Variants in ANGPT1 observed in about 807,000 individuals in gnomAD.
The protein encoded by ANGPT1 is angiopoietin-1.
Under a neutral mutation model 62.2 loss-of-function variants are expected in ANGPT1, and 17 were observed. The observed-to-expected ratio is 0.27, with a 90% CI of 0.19 to 0.41. The LOEUF (loss-of-function observed/expected upper bound fraction) is 0.41, where lower values mean the gene tolerates loss of function less well. Among genes scored for constraint, ANGPT1 ranks in the 10% least tolerant of loss-of-function variants. The pLI is 1.00. For missense variants in ANGPT1, 478 were observed against 594.9 expected (o/e 0.80, Z 2.04); for synonymous variants, 199 against 198.9 (o/e 1.00, Z 0.00).
chr8:107,256,445 T>C lies in ANGPT1; in HGVS notation c.1337-4430A>G, dbSNP rs886913371. On this transcript the variant is annotated intron_variant, in intron 8 of 8. Coordinates refer to ENST00000517746, the MANE Select transcript of ANGPT1 (RefSeq NM_001146.5). Reference sequence around the variant, plus strand: ...GAAAATATGTGGTTTAAAGCATTTTTTCAATGCAGGCAAAAGTATAGCAGA... The same window carrying C: ...GAAAATATGTGGTTTAAAGCATTTTCTCAATGCAGGCAAAAGTATAGCAGA... 5.3e-5 allele frequency among the ~76,000 whole-genome samples: 8 copies of C among 152,204 alleles called. 1 individual carries two copies. Among genetic ancestry groups the C allele is most frequent in the Admixed American group, 5.2e-4 (8 of 15,272 alleles).
chr8:107,339,670 A>T lies in ANGPT1; in HGVS notation c.454-3399T>A, dbSNP rs144341245. Reference sequence around the variant, plus strand: ...CCCTCCTAGAATGTCAGCTGCACAGAGGCAGGAAGGCTCATCTGGAGTCCT... The same window carrying T: ...CCCTCCTAGAATGTCAGCTGCACAGTGGCAGGAAGGCTCATCTGGAGTCCT... On this transcript the variant is annotated intron_variant, in intron 2 of 8. Coordinates refer to ENST00000517746, the MANE Select transcript of ANGPT1 (RefSeq NM_001146.5). Among the ~76,000 whole-genome samples, 815 of 152,264 alleles carry T rather than the reference A, an allele frequency of 5.4e-3. 10 individuals carry two copies. The highest frequency in any genetic ancestry group is 0.019 in the African/African-American group (780 of 41,566).
intron 5 of ANGPT1, 50 bp downstream of exon 5, chr8:107,303,190 T>A: frequency 6.3e-7 from 1 of 1,593,900 alleles, no homozygotes; most frequent in Non-Finnish European, 8.6e-7. Flanking sequence ...TATCCAGCAA[T>A]TCAACTGGGA....
intron 1 of ANGPT1, among the ~76,000 whole-genome samples, chr8:107,449,022 G>A (rs750210263): frequency 6.6e-6 from 1 of 152,040 alleles, no homozygotes; most frequent in Non-Finnish European, 1.5e-5. Flanking sequence ...AGATATCAGT[G>A]CTCTACATGA....
intron 1 of ANGPT1, among the ~76,000 whole-genome samples, chr8:107,357,398 C>T (rs1019930668): frequency 4.6e-5 from 7 of 152,102 alleles, no homozygotes; most frequent in African/African-American, 1.7e-4. Flanking sequence ...TCTCCCTTTA[C>T]TGTAATGCTT....
At chr8:107,421,172 T>C (rs1407362047) in intron 1 of ANGPT1, among the ~76,000 whole-genome samples, 1 of 152,190 alleles carries the variant, frequency 6.6e-6, no homozygotes, top group Non-Finnish European at 1.5e-5. Flanking sequence ...TTTTCTATTT[T>C]GCACGGAAAA....
chr8:107,267,378 T>C (rs964630535), intron 7 of ANGPT1, among the ~76,000 whole-genome samples: 2 of 152,260 alleles, frequency 1.3e-5, no homozygotes, highest in Middle Eastern at 3.4e-3. Context: ...TGTGCTGGTA[T>C]AGGTATAGGT....
At position 107,340,245 on chromosome 8, in the gene ANGPT1, G is replaced by GAAGGAA. The variant is rs1815665871; in HGVS notation, c.454-3980_454-3975dup. ...AAAAAAGAAAATTTTTAAATAAGAA[G>GAAGGAA]AAGGAAAAGGAGTAAAGCGTATGTG... On this transcript the variant is annotated intron_variant, in intron 2 of 8. Coordinates refer to ENST00000517746, the MANE Select transcript of ANGPT1 (RefSeq NM_001146.5). 4.6e-5 allele frequency among the ~76,000 whole-genome samples: 7 copies of GAAGGAA among 152,188 alleles called. 1 individual carries two copies. The South Asian group carries it at 1.5e-3, about 32-fold the overall frequency.
intron 7 of ANGPT1, chr8:107,283,936 G>C (rs1393457986): frequency 2.0e-5 from 3 of 152,160 alleles, no homozygotes; most frequent in African/African-American, 7.2e-5. Flanking sequence ...GCGCCCAGTA[G>C]AATTCCAGGA....
At chr8:107,450,550 C>T (rs141108823) in intron 1 of ANGPT1, among the ~76,000 whole-genome samples, 212 of 151,930 alleles carry the variant, frequency 1.4e-3, no homozygotes, top group Non-Finnish European at 2.3e-3. Flanking sequence ...ATAACAAGCA[C>T]ATAAGAAATT....
intron 1 of ANGPT1, among the ~76,000 whole-genome samples, chr8:107,375,509 A>G (rs1586269604): frequency 6.6e-6 from 1 of 152,288 alleles, no homozygotes; most frequent in East Asian, 1.9e-4. Context: ...GAAGTGTAAG[A>G]AGGCCAGCCA....
At chr8:107,396,633 G>A (rs1001926657) in intron 1 of ANGPT1, among the ~76,000 whole-genome samples, 1 of 141,582 alleles carries the variant, frequency 7.1e-6, no homozygotes, top group African/African-American at 2.6e-5. Context: ...GGATCTTCAT[G>A]CTTCAGCCTC....
chr8:107,450,705 G>GGTGTGTGTGT lies in ANGPT1; in HGVS notation c.297+46547_297+46556dup, dbSNP rs140884696. On this transcript the variant is annotated intron_variant, in intron 1 of 8. Coordinates refer to ENST00000517746, the MANE Select transcript of ANGPT1 (RefSeq NM_001146.5). ...TGCCAAGAACATTCAAATGGGAATA[G>GGTGTGTGTGT]GTGTGTGTGTGTGTGTGTGTGTGTG... Among the ~76,000 whole-genome samples, 631 of 142,368 alleles carry GGTGTGTGTGT rather than the reference G, an allele frequency of 4.4e-3. 4 individuals are homozygous for GGTGTGTGTGT. Among genetic ancestry groups the GGTGTGTGTGT allele is most frequent in the East Asian group, 0.022 (111 of 5,020 alleles). The allele number at this position is 142,368 out of a possible 152,430, so 93.4% of individuals were successfully genotyped here.
chr8:107,475,484 T>C (rs1266057392), intron 1 of ANGPT1, among the ~76,000 whole-genome samples: 5 of 152,140 alleles, frequency 3.3e-5, no homozygotes, highest in African/African-American at 1.2e-4. Flanking sequence ...ATAAAAACCC[T>C]AGAAGAAAAC....
chr8:107,330,031 G>A (rs1285160406), intron 3 of ANGPT1, among the ~76,000 whole-genome samples: 1 of 152,092 alleles, frequency 6.6e-6, no homozygotes, highest in Non-Finnish European at 1.5e-5. Context: ...CGGACTGTTA[G>A]AGAAGCTGAC....
chr8:107,397,021 A>G (rs1816950608), intron 1 of ANGPT1, among the ~76,000 whole-genome samples: 1 of 152,104 alleles, frequency 6.6e-6, no homozygotes, highest in South Asian at 2.1e-4. Flanking sequence ...TGGGCAGGGA[A>G]CTATAGACCT....
At chr8:107,297,323 C>T (rs889803717) in intron 5 of ANGPT1, among the ~76,000 whole-genome samples, 2 of 151,946 alleles carry the variant, frequency 1.3e-5, no homozygotes, top group African/African-American at 4.8e-5. Flanking sequence ...AACTTGAGTG[C>T]TACATTGCCT....
intron 1 of ANGPT1, among the ~76,000 whole-genome samples, chr8:107,398,800 G>A (rs1816987285): frequency 6.6e-6 from 1 of 152,108 alleles, no homozygotes; most frequent in African/African-American, 2.4e-5. Flanking sequence ...TTACCTTTCA[G>A]AGAAAGAGTA....
chr8:107,476,550 C>A (rs1812535816), intron 1 of ANGPT1, among the ~76,000 whole-genome samples: 1 of 151,996 alleles, frequency 6.6e-6, no homozygotes, highest in Admixed American at 6.6e-5. Flanking sequence ...AACAAACCTG[C>A]ACGTTGTGCA....
chr8:107,350,466 A>G (rs945799814), intron 1 of ANGPT1, among the ~76,000 whole-genome samples: 1 of 152,162 alleles, frequency 6.6e-6, no homozygotes, highest in Non-Finnish European at 1.5e-5. Context: ...AGGTGGCTAC[A>G]TCAAGGTTCA....
Sources: gnomAD v4.1 joint callset for allele counts (sites outside exome capture counted in the v4.1 genomes callset) on GRCh38, gnomAD v4.1.1 for gene constraint, MANE v1.5 for transcripts, NCBI Gene and HGNC (gene_info 2026-07-23, HGNC 2026-07-21) for gene names.